Variants in MYCBP2 observed in about 807,000 individuals in gnomAD.
MYCBP2 encodes the protein E3 ubiquitin-protein ligase MYCBP2.
In MYCBP2, 120 loss-of-function variants were observed where a neutral mutation model predicts 525.3. That is an observed-to-expected ratio of 0.23 (90% CI 0.20 to 0.27). MYCBP2 has a LOEUF of 0.27. Among genes scored for constraint, MYCBP2 ranks in the 10% least tolerant of loss-of-function variants. The pLI is 1.00. For missense variants in MYCBP2, 4,149 were observed against 5,657.1 expected (o/e 0.73, Z 8.55); for synonymous variants, 1,894 against 1,955.8 (o/e 0.97, Z 0.83).
chr13:77,308,836 G>A (rs1057108163), intron 1 of MYCBP2, among the ~76,000 whole-genome samples: 6 of 152,186 alleles, frequency 3.9e-5, no homozygotes, highest in South Asian at 2.1e-4. Flanking sequence ...CAGAAAACAT[G>A]GCTCAGTTAT....
intron 1 of MYCBP2, among the ~76,000 whole-genome samples, chr13:77,323,043 A>T (rs1386384777): frequency 6.6e-6 from 1 of 152,218 alleles, no homozygotes; most frequent in Non-Finnish European, 1.5e-5. Flanking sequence ...CAAACAGACA[A>T]AAAACAGTAA....
intron 12 of MYCBP2, 74 bp from the exon 13 acceptor site, chr13:77,260,666 T>TA (rs370401180): frequency 0.011 from 12,560 of 1,112,160 alleles, 1 homozygote; most frequent in South Asian, 0.015. Flanking sequence ...TATATAAAGC[T>TA]AAAAAAAAAA....
At chr13:77,068,948 A>T (rs2040645650) in intron 69 of MYCBP2, 117 bp from the exon 70 acceptor site, 2 of 985,080 alleles carry the variant, frequency 2.0e-6, no homozygotes, top group African/African-American at 3.3e-5. Flanking sequence ...TCAATTTAAT[A>T]CTATTCTCCC....
chr13:77,252,145 C>CT (rs2071319880), intron 14 of MYCBP2, among the ~76,000 whole-genome samples: 1 of 152,176 alleles, frequency 6.6e-6, no homozygotes. Flanking sequence ...ATTCATTCAT[C>CT]TTTTTTTCTA....
intron 21 of MYCBP2, 78 bp downstream of exon 21, chr13:77,217,762 C>T (rs1215495425): frequency 1.3e-6 from 1 of 792,848 alleles, no homozygotes; most frequent in Non-Finnish European, 2.0e-6. Flanking sequence ...ATTCTGGAAA[C>T]AGAAAAAAGA....
At chr13:77,157,904 T>A in intron 45 of MYCBP2, 33 bp downstream of exon 45, 1 of 1,557,230 alleles carries the variant, frequency 6.4e-7, no homozygotes, top group Non-Finnish European at 8.7e-7. Flanking sequence ...ATGAAAGCCC[T>A]AAAATAAAGT....
In MYCBP2 at chr13:77,154,322, T is replaced by G. The variant is rs116158808; in HGVS notation, c.6915+1736A>C. ...AGAGGTTTAAGTCAAGGAAAGATAG[T>G]AGGAGAAGCAAATATATGGAGGAGA... is the stretch of plus-strand genomic sequence containing the variant. On this transcript the variant is annotated intron_variant, in intron 46 of 82. Coordinates refer to ENST00000544440, the MANE Select transcript of MYCBP2 (RefSeq NM_015057.5). Among the ~76,000 whole-genome samples, 3 of 147,048 alleles carry G rather than the reference T, an allele frequency of 2.0e-5. No homozygotes were observed. The East Asian group carries it at 6.0e-4, about 29-fold the overall frequency.
intron 29 of MYCBP2, 148 bp downstream of exon 29, chr13:77,190,104 G>C: frequency 4.4e-6 from 2 of 450,480 alleles, no homozygotes; most frequent in Non-Finnish European, 7.8e-6. Context: ...AACTGTTTTT[G>C]TTAAATATAT....
intron 23 of MYCBP2, among the ~76,000 whole-genome samples, chr13:77,207,748 T>C (rs1297603241): frequency 2.0e-5 from 3 of 152,208 alleles, no homozygotes; most frequent in African/African-American, 7.2e-5. Flanking sequence ...GTTGATCTCA[T>C]TGTTTAGGTA....
chr13:77,243,932 C>A lies in MYCBP2; in HGVS notation c.2401G>T (p.Gly801Ter). Reference protein sequence around the residue: ...VPGGICGCGSGESGCAVCGCC... With the variant: ...VPGGICGCGS ...CCACACACAGCACAACCAGATTCTC[C>A]GGAACCACAACCACAGATCCTAGGG... The change falls in exon 16 of 83, where the codon GGA becomes TGA. Residue 801 changes from glycine to a stop codon, truncating the protein, a stop_gained. Coordinates refer to ENST00000544440, the MANE Select transcript of MYCBP2 (RefSeq NM_015057.5). LOFTEE classifies it high-confidence loss of function. 1 of 1,562,034 alleles carries A rather than the reference C, an allele frequency of 6.4e-7. No homozygotes were observed. Among genetic ancestry groups the A allele is most frequent in the Non-Finnish European group, 8.7e-7 (1 of 1,154,236 alleles).
intron 55 of MYCBP2, chr13:77,109,857 T>C (rs943635164): frequency 6.6e-6 from 1 of 152,226 alleles, no homozygotes; most frequent in African/African-American, 2.4e-5. Flanking sequence ...TCTCTGAACA[T>C]AAATTGTGAA....
intron 46 of MYCBP2, among the ~76,000 whole-genome samples, chr13:77,154,379 A>AGGAGGT (rs1438294429): frequency 1.3e-5 from 2 of 151,662 alleles, no homozygotes; most frequent in African/African-American, 2.4e-5. Flanking sequence ...AAAAAGGAGA[A>AGGAGGT]GGAGGTGAAA....
chr13:77,065,852 A>G (rs2040114049), intron 72 of MYCBP2, 140 bp downstream of exon 72: 4 of 502,226 alleles, frequency 8.0e-6, no homozygotes, highest in Non-Finnish European at 1.4e-5. Flanking sequence ...AAAGACAAAC[A>G]GCATGATAGT....
At chr13:77,307,082 CA>C (rs1322752656) in intron 1 of MYCBP2, among the ~76,000 whole-genome samples, 3 of 151,994 alleles carry the variant, frequency 2.0e-5, no homozygotes, top group Non-Finnish European at 4.4e-5. Flanking sequence ...ATCTAGAAAA[CA>C]GATCAGAAAA....
chr13:77,126,471 T>C lies in MYCBP2; in HGVS notation c.7731A>G (p.Gln2577=). Reference sequence around the variant, plus strand: ...CTCGCAAGAATGGCATATCTTGTTCTTGCATTGTTGCTTCCTGTGGGCAGC... The same window carrying C: ...CTCGCAAGAATGGCATATCTTGTTCCTGCATTGTTGCTTCCTGTGGGCAGC... ...NSCCPQEATM[Q]EQDMPFLRGG... Residue 2577 remains glutamine, a synonymous_variant, in exon 53 of 83, where the codon CAA becomes CAG. Coordinates refer to ENST00000544440, the MANE Select transcript of MYCBP2 (RefSeq NM_015057.5). 2 of 1,613,998 alleles carry C rather than the reference T, an allele frequency of 1.2e-6. No individual in the cohort carries two copies. Among genetic ancestry groups the C allele is most frequent in the Non-Finnish European group, 1.7e-6 (2 of 1,179,862 alleles).
chr13:77,309,777 T>C (rs960706516), intron 1 of MYCBP2, among the ~76,000 whole-genome samples: 3 of 152,194 alleles, frequency 2.0e-5, no homozygotes, highest in Non-Finnish European at 2.9e-5. Flanking sequence ...CTAGAGATTA[T>C]CTTTATAAAT....
At chr13:77,172,888 CAG>C (rs2154231713) in intron 37 of MYCBP2, among the ~76,000 whole-genome samples, 1 of 152,348 alleles carries the variant, frequency 6.6e-6, no homozygotes, top group African/African-American at 2.4e-5. Context: ...CGTAACTTAA[CAG>C]AGGTGTGACT....
Position 77,081,636 on chromosome 13 carries a change from T to C in MYCBP2, c.11209A>G (p.Met3737Val). 1 of 1,609,582 alleles carries C rather than the reference T, an allele frequency of 6.2e-7. No homozygotes were observed. The highest frequency in any genetic ancestry group is 8.5e-7 in the Non-Finnish European group (1 of 1,178,146). Reference sequence around the variant, plus strand: ...ATGCTGGTTAAGTCCTTTAAGCACATTACTATGCATAATTCCTATCAGAAA... The same window carrying C: ...ATGCTGGTTAAGTCCTTTAAGCACACTACTATGCATAATTCCTATCAGAAA... Reference protein sequence around the residue: ...EAMSQELCIVMCLKDLTSIVD... With the variant: ...EAMSQELCIVVCLKDLTSIVD... The change falls in exon 65 of 83, where the codon ATG (methionine) becomes GTG (valine). Residue 3737 changes from methionine to valine, a missense_variant. Coordinates refer to ENST00000544440, the MANE Select transcript of MYCBP2 (RefSeq NM_015057.5). The surrounding 1 kb of genome is among the most constrained non-coding windows in gnomAD (Gnocchi z 4.6).
intron 62 of MYCBP2, among the ~76,000 whole-genome samples, chr13:77,085,703 G>T (rs2044131959): frequency 6.6e-6 from 1 of 152,114 alleles, no homozygotes; most frequent in Admixed American, 6.6e-5. Context: ...TCTCTTTCTT[G>T]AATGCTTCTG....
Sources: allele counts gnomAD v4.1 joint callset (sites outside exome capture counted in the v4.1 genomes callset), GRCh38; gene constraint gnomAD v4.1.1; non-coding constraint Gnocchi (gnomAD v3.1); transcripts MANE v1.5; gene names NCBI Gene and HGNC (gene_info 2026-07-23, HGNC 2026-07-21).